The following CARF variants were observed in gnomAD, a reference collection of about 807,000 sequenced individuals.
The protein encoded by CARF is calcium-responsive transcription factor.
In CARF, 57 loss-of-function variants were observed where a neutral mutation model predicts 82.0. The ratio of observed to expected loss-of-function variants is 0.70; its 90% CI spans 0.56 to 0.87. CARF has a LOEUF of 0.87. Ranked by LOEUF, CARF falls within the 40% of genes least tolerant of loss-of-function variation. The probability of loss-of-function intolerance (pLI) is 0.00; values close to 1 mark genes in which losing one functional copy is unlikely to be tolerated. For synonymous variants in CARF, 268 were observed against 290.1 expected (o/e 0.92, Z 0.77); for missense variants, 771 against 855.8 (o/e 0.90, Z 1.24).
intron 7 of CARF, 131 bp from the exon 8 acceptor site, chr2:202,955,543 C>A: frequency 1.8e-6 from 1 of 541,064 alleles, no homozygotes; most frequent in Admixed American, 3.5e-5. Context: ...TCAGATCAAT[C>A]TGTAGTTATT....
chr2:202,924,903 A>G (rs1574489305), intron 3 of CARF: 2 of 244,132 alleles, frequency 8.2e-6, no homozygotes, highest in Non-Finnish European at 1.6e-5. Flanking sequence ...CCCAGGCTGT[A>G]TGCACCCCGG....
intron 14 of CARF, among the ~76,000 whole-genome samples, chr2:202,977,585 T>G (rs926945821): frequency 6.6e-6 from 1 of 152,240 alleles, no homozygotes; most frequent in Non-Finnish European, 1.5e-5. Context: ...GCTAATTCAC[T>G]AAGTCTGGCT....
At chr2:202,977,052 A>AT (rs919173086) in intron 13 of CARF, among the ~76,000 whole-genome samples, 3 of 152,180 alleles carry the variant, frequency 2.0e-5, no homozygotes, top group Admixed American at 6.5e-5. Context: ...AGTCCTTGTC[A>AT]TCTACACTGT....
intron 13 of CARF, among the ~76,000 whole-genome samples, chr2:202,976,250 G>T (rs72928620): frequency 0.095 from 14,340 of 151,262 alleles, 775 homozygotes; most frequent in Non-Finnish European, 0.12. Context: ...TCCTGGCTCA[G>T]TGCAACCTCC....
rs546092951 is a variant in CARF, at chr2:202,986,621, G to C, written c.*2997G>C. On this transcript the variant is annotated 3_prime_UTR_variant, in exon 17 of 17. Coordinates refer to ENST00000438828, the MANE Select transcript of CARF (RefSeq NM_024744.17). ...TAGTGATTTTTTGTACAAACAGTTA[G>C]TATAATTAAAAGGAAAAGCTTTTAT... 6.7e-6 allele frequency: 1 copy of C among 149,106 alleles called. No individual in the cohort carries two copies. The highest frequency in any genetic ancestry group is 2.4e-5 in the African/African-American group (1 of 41,112). The allele number at this position is 149,106 out of a possible 1,614,324, so 9.2% of individuals were successfully genotyped here.
At chr2:202,974,235 T>G in intron 12 of CARF, 99 bp from the exon 13 acceptor site, 1 of 822,694 alleles carries the variant, frequency 1.2e-6, no homozygotes, top group Non-Finnish European at 1.8e-6. Context: ...AAACCATACT[T>G]TATAGAAGTT....
At chr2:202,953,943 G>A in intron 6 of CARF, 62 bp from the exon 7 acceptor site, 9 of 1,434,362 alleles carry the variant, frequency 6.3e-6, no homozygotes, top group Non-Finnish European at 8.4e-6. Context: ...TTTTAGTTAG[G>A]TATATTCTTA....
chr2:202,917,345 C>T (rs1343506682), intron 1 of CARF, among the ~76,000 whole-genome samples: 1 of 151,592 alleles, frequency 6.6e-6, no homozygotes, highest in Non-Finnish European at 1.5e-5. Context: ...AATTTGCCGG[C>T]AAAATTTAAT....
chr2:202,982,032 G>A, intron 15 of CARF, 40 bp from the exon 16 acceptor site: 1 of 1,592,602 alleles, frequency 6.3e-7, no homozygotes, highest in Non-Finnish European at 8.5e-7. Context: ...TCATACATAG[G>A]AAATTCAAAC....
intron 3 of CARF, among the ~76,000 whole-genome samples, chr2:202,929,401 C>T (rs539783545): frequency 6.6e-6 from 1 of 152,258 alleles, no homozygotes; most frequent in South Asian, 2.1e-4. Context: ...TTACTGCATA[C>T]AGATATCCAG....
At chr2:202,953,827 G>A (rs944643329) in intron 6 of CARF, among the ~76,000 whole-genome samples, 178 bp from the exon 7 acceptor site, 4 of 152,106 alleles carry the variant, frequency 2.6e-5, no homozygotes, top group Non-Finnish European at 4.4e-5. Flanking sequence ...ACAGTAGTCA[G>A]TATTATAATT....
At chr2:202,948,996 A>G (rs1446440295) in intron 5 of CARF, among the ~76,000 whole-genome samples, 1 of 152,214 alleles carries the variant, frequency 6.6e-6, no homozygotes, top group Non-Finnish European at 1.5e-5. Flanking sequence ...TTAGCTAAGC[A>G]TCTTGTTTTT....
chr2:202,967,397 A>G (rs72928605), intron 10 of CARF, among the ~76,000 whole-genome samples: 12,545 of 152,214 alleles, frequency 0.082, 682 homozygotes, highest in Non-Finnish European at 0.12. Flanking sequence ...CTTTCCTTAA[A>G]CTTACATAGT....
chr2:202,981,226 A>G (rs2060249734), intron 14 of CARF, among the ~76,000 whole-genome samples: 1 of 152,184 alleles, frequency 6.6e-6, no homozygotes, highest in African/African-American at 2.4e-5. Context: ...ATCATCAGGC[A>G]TTAGATTCTC....
At chr2:202,940,613 C>G (rs554394509) in intron 3 of CARF, among the ~76,000 whole-genome samples, 2 of 151,958 alleles carry the variant, frequency 1.3e-5, no homozygotes, top group Non-Finnish European at 2.9e-5. Flanking sequence ...GCATTTTTTT[C>G]TTACCAGAAG....
intron 4 of CARF, 84 bp from the exon 5 acceptor site, chr2:202,942,656 A>T: frequency 8.8e-7 from 1 of 1,134,016 alleles, no homozygotes; most frequent in Non-Finnish European, 1.2e-6. Context: ...ACAACTGAAA[A>T]ATGGATGTCT....
intron 3 of CARF, among the ~76,000 whole-genome samples, chr2:202,930,607 A>G (rs1181015689): frequency 6.6e-6 from 1 of 151,992 alleles, no homozygotes; most frequent in Non-Finnish European, 1.5e-5. Flanking sequence ...TTTCTTGTTC[A>G]TATTGTGAGT....
intron 1 of CARF, among the ~76,000 whole-genome samples, chr2:202,916,859 C>T (rs1352208726): frequency 2.0e-5 from 3 of 152,068 alleles, no homozygotes; most frequent in African/African-American, 7.2e-5. Context: ...TCGTCTCTAC[C>T]CCTCTGCCAT....
chr2:202,982,587 G>C, intron 16 of CARF, 146 bp downstream of exon 16: 6 of 765,034 alleles, frequency 7.8e-6, no homozygotes, highest in Non-Finnish European at 1.2e-5. Context: ...AGAAGGAGGA[G>C]ATTTCATTAC....
Sources: gnomAD v4.1 joint callset for allele counts (sites outside exome capture counted in the v4.1 genomes callset) on GRCh38, gnomAD v4.1.1 for gene constraint, MANE v1.5 for transcripts, NCBI Gene and HGNC (gene_info 2026-07-23, HGNC 2026-07-21) for gene names.